The following C18orf54 variants were observed in gnomAD, a reference collection of about 807,000 sequenced individuals.
The protein encoded by C18orf54 is chromosome 18 open reading frame 54.
In C18orf54, 49 loss-of-function variants were observed where a neutral mutation model predicts 49.3. The ratio of observed to expected loss-of-function variants is 0.99; its 90% CI spans 0.79 to 1.26. The LOEUF (loss-of-function observed/expected upper bound fraction) is 1.26, where lower values mean the gene tolerates loss of function less well. C18orf54 is among the 50% of genes most tolerant of loss of function. The pLI is 0.00. For missense variants in C18orf54, 687 were observed against 620.6 expected (o/e 1.11, Z -1.14); for synonymous variants, 211 against 216.6 (o/e 0.97, Z 0.23).
chr18:54,374,425 T>C, intron 8 of C18orf54, 141 bp downstream of exon 8: 1 of 518,334 alleles, frequency 1.9e-6, no homozygotes, highest in Non-Finnish European at 2.7e-6. Context: ...CTGTTTACAC[T>C]AAAAAACATT....
rs2089615376 is a variant in C18orf54 at position 54,378,613 on chromosome 18, AACTT to A, written c.*371_*374del. ...ATTACCTGGTTCAGGATCATTAAGA[AACTT>A]ACTGGTTTTTATCCAAAATCTTTTA... On this transcript the variant is annotated 3_prime_UTR_variant, in exon 9 of 9. Coordinates refer to ENST00000620105, the MANE Select transcript of C18orf54 (RefSeq NM_001288980.2). 6.3e-6 allele frequency: 1 copy of A among 158,238 alleles called. No homozygotes were observed. Among genetic ancestry groups the A allele is most frequent in the African/African-American group, 2.4e-5 (1 of 41,728 alleles). The allele number at this position is 158,238 out of a possible 1,614,324, so 9.8% of individuals were successfully genotyped here. A position where few individuals can be genotyped will look rare whatever the true frequency, so the allele number is the denominator to read the frequency against.
chr18:54,377,781 T>A (rs2089600977), intron 8 of C18orf54, among the ~76,000 whole-genome samples: 1 of 152,240 alleles, frequency 6.6e-6, no homozygotes. Flanking sequence ...TGTATTTTAC[T>A]TCTTAACTAA....
rs916507232 is a variant in C18orf54, at chr18:54,379,657, A to G, written c.*1411A>G. ...GTCTGCTTCATAGAAAATAGCCTGC[A>G]TAATCAAACAAGGAGTTACTTTGAA... On this transcript the variant is annotated 3_prime_UTR_variant, in exon 9 of 9. Coordinates refer to ENST00000620105, the MANE Select transcript of C18orf54 (RefSeq NM_001288980.2). The G allele has an allele frequency of 6.6e-6, 1 of 151,956 alleles. No homozygotes were observed. The highest frequency in any genetic ancestry group is 1.5e-5 in the Non-Finnish European group (1 of 67,914). The allele number at this position is 151,956 out of a possible 1,614,324, so 9.4% of individuals were successfully genotyped here.
rs2089676227 is a variant in C18orf54, at chr18:54,381,701, C to T, written c.*3455C>T. 6.6e-6 allele frequency: 1 copy of T among 152,104 alleles called. No individual in the cohort carries two copies. The highest frequency in any genetic ancestry group is 2.4e-5 in the African/African-American group (1 of 41,400). 9.4% of individuals were successfully genotyped at this position (152,104 alleles called of 1,614,324 possible). On this transcript the variant is annotated 3_prime_UTR_variant, in exon 9 of 9. Coordinates refer to ENST00000620105, the MANE Select transcript of C18orf54 (RefSeq NM_001288980.2). ...CTCTGGCCAAGTATTTTATTTCGTC[C>T]CTAAACATTCTAACTATCCACCAAA...
At chr18:54,370,784 T>C (rs2089472640) in intron 6 of C18orf54, among the ~76,000 whole-genome samples, 1 of 152,178 alleles carries the variant, frequency 6.6e-6, no homozygotes, top group Admixed American at 6.5e-5. Context: ...AGCTCAGACA[T>C]AAATTCCAGA....
intron 8 of C18orf54, among the ~76,000 whole-genome samples, chr18:54,376,557 C>T (rs1174472989): frequency 6.6e-6 from 1 of 152,156 alleles, no homozygotes; most frequent in African/African-American, 2.4e-5. Context: ...TGGTCTTGAA[C>T]TCCTGACCTC....
At position 54,362,777 on chromosome 18, in the gene C18orf54, A is replaced by G. The variant is rs2089298424; in HGVS notation, c.1079A>G (p.Lys360Arg). 1 of 1,603,284 alleles carries G rather than the reference A, an allele frequency of 6.2e-7. No individual in the cohort carries two copies. The highest frequency in any genetic ancestry group is 8.5e-7 in the Non-Finnish European group (1 of 1,177,726). ...AGTCATCTTTTACAATTAGGTGACA[A>G]AATTGAATTGCTTATCTTGAAGGCC... ...GQSTKPFSGD[K>R]IELLILKAKR... The change falls in exon 5 of 9, where the codon AAA (lysine) becomes AGA (arginine). Residue 360 changes from lysine to arginine, a missense_variant. Physicochemically the swap from Lys to Arg is conservative, Grantham distance 26. Coordinates refer to ENST00000620105, the MANE Select transcript of C18orf54 (RefSeq NM_001288980.2).
At chr18:54,358,126 G>A (rs2089183239) in intron 1 of C18orf54, 51 bp downstream of exon 1, 1 of 152,770 alleles carries the variant, frequency 6.5e-6, no homozygotes, top group Non-Finnish European at 1.5e-5. Context: ...GGCCTTAGGG[G>A]TGAGTTAGGA....
chr18:54,372,843 G>T (rs2144748274), intron 7 of C18orf54, among the ~76,000 whole-genome samples: 1 of 151,870 alleles, frequency 6.6e-6, no homozygotes, highest in African/African-American at 2.4e-5. Flanking sequence ...ATCTTATTTA[G>T]TTATGATGGT....
At position 54,373,389 on chromosome 18, in the gene C18orf54, C is replaced by T. The variant is rs77788369; in HGVS notation, c.1458+792C>T. 4.2e-3 allele frequency among the ~76,000 whole-genome samples: 637 copies of T among 151,792 alleles called. 10 individuals are homozygous for T. Among genetic ancestry groups the T allele is most frequent in the African/African-American group, 0.015 (621 of 41,476 alleles). On this transcript the variant is annotated intron_variant, in intron 7 of 8. Coordinates refer to ENST00000620105, the MANE Select transcript of C18orf54 (RefSeq NM_001288980.2). ...CTAAGGGAGCTAATTACCTCACATA[C>T]TTTTTGTGGAGAACATGTAAAACCT...
intron 4 of C18orf54, 133 bp downstream of exon 4, chr18:54,362,564 A>T (rs895811551): frequency 4.4e-6 from 4 of 917,594 alleles, no homozygotes; most frequent in Middle Eastern, 3.4e-4. Context: ...TGGAATGCTT[A>T]TAATCTTCAC....
chr18:54,366,420 A>G (rs2089386155), intron 6 of C18orf54, among the ~76,000 whole-genome samples: 1 of 152,006 alleles, frequency 6.6e-6, no homozygotes, highest in Non-Finnish European at 1.5e-5. Context: ...ACCTAACATA[A>G]TGTCTTCCAG....
At chr18:54,366,889 T>C (rs1426929799) in intron 6 of C18orf54, among the ~76,000 whole-genome samples, 2 of 152,072 alleles carry the variant, frequency 1.3e-5, no homozygotes, top group Non-Finnish European at 2.9e-5. Context: ...TAAGTTGTAA[T>C]GTGAAATCTT....
rs2089649300 is a variant in C18orf54 at position 54,380,498 on chromosome 18, T to A, written c.*2252T>A. 1 of 152,046 alleles carries A rather than the reference T, an allele frequency of 6.6e-6. No homozygotes were observed. Among genetic ancestry groups the A allele is most frequent in the Non-Finnish European group, 1.5e-5 (1 of 67,922 alleles). The allele number at this position is 152,046 out of a possible 1,614,324, so 9.4% of individuals were successfully genotyped here. On this transcript the variant is annotated 3_prime_UTR_variant, in exon 9 of 9. Transcript: ENST00000620105. ...GATCAAGGGACAATGGTGTGACCAA[T>A]ATGAAGGGTCAAGACTGAAATGTAT... is the stretch of plus-strand genomic sequence containing the variant.
intron 5 of C18orf54, among the ~76,000 whole-genome samples, chr18:54,364,134 GAT>G (rs1422416039): frequency 1.4e-5 from 1 of 73,572 alleles, no homozygotes; most frequent in East Asian, 3.6e-4. Context: ...TATATGTTGA[GAT>G]ATATATACAT....
chr18:54,378,099 A>ATTT, intron 8 of C18orf54, 75 bp from the exon 9 acceptor site: 1 of 1,125,768 alleles, frequency 8.9e-7, no homozygotes, highest in Non-Finnish European at 1.2e-6. Context: ...AACTTTATTT[A>ATTT]TTTTTTTGCT....
chr18:54,372,105 C>T (rs990646808), intron 6 of C18orf54, among the ~76,000 whole-genome samples: 1 of 152,024 alleles, frequency 6.6e-6, no homozygotes. Context: ...CCTTGATCAG[C>T]TGTAAAGAAC....
rs1011563135 is a variant in C18orf54 at position 54,379,069 on chromosome 18, G to T, written c.*823G>T. 1 of 152,014 alleles carries T rather than the reference G, an allele frequency of 6.6e-6. No homozygotes were observed. Among genetic ancestry groups the T allele is most frequent in the Non-Finnish European group, 1.5e-5 (1 of 67,942 alleles). 9.4% of individuals were successfully genotyped at this position (152,014 alleles called of 1,614,324 possible). A position where few individuals can be genotyped will look rare whatever the true frequency, so the allele number is the denominator to read the frequency against. ...AAATTTGATAACTAAAACTTAAAAT[G>T]AATATGGAAAATCAGAAAGCAACTC... On this transcript the variant is annotated 3_prime_UTR_variant, in exon 9 of 9. Coordinates refer to ENST00000620105, the MANE Select transcript of C18orf54 (RefSeq NM_001288980.2).
chr18:54,359,361 G>C (rs1348160062), intron 2 of C18orf54, among the ~76,000 whole-genome samples: 4 of 152,208 alleles, frequency 2.6e-5, no homozygotes. Context: ...CAGTATTACA[G>C]AATTCAGATA....
Sources: allele counts gnomAD v4.1 joint callset (sites outside exome capture counted in the v4.1 genomes callset), GRCh38; gene constraint gnomAD v4.1.1; transcripts MANE v1.5; gene names NCBI Gene and HGNC (gene_info 2026-07-23, HGNC 2026-07-21).